CCDC60: variants seen among roughly 807,000 people sequenced by gnomAD.
The protein encoded by CCDC60 is coiled-coil domain containing 60.
In CCDC60, 54 loss-of-function variants were observed where a neutral mutation model predicts 63.5. The ratio of observed to expected loss-of-function variants is 0.85; its 90% CI spans 0.68 to 1.07. The LOEUF (loss-of-function observed/expected upper bound fraction) is 1.07, where lower values mean the gene tolerates loss of function less well. CCDC60 is among the 50% of genes least tolerant of loss of function. The pLI is 0.00. For missense variants in CCDC60, 651 were observed against 684.3 expected (o/e 0.95, Z 0.54); for synonymous variants, 206 against 238.8 (o/e 0.86, Z 1.27).
intron 8 of CCDC60, 147 bp from the exon 9 acceptor site, chr12:119,519,974 T>C (rs1329491061): frequency 2.8e-6 from 2 of 720,910 alleles, no homozygotes; most frequent in Admixed American, 2.4e-5. Context: ...TCTGTATTCA[T>C]AGCAAACTCT....
At chr12:119,399,944 T>C (rs1956358586) in intron 1 of CCDC60, among the ~76,000 whole-genome samples, 1 of 152,202 alleles carries the variant, frequency 6.6e-6, no homozygotes. Context: ...AGATTAAGTA[T>C]CGTGCACTCC....
At chr12:119,507,589 TACATATATATATATATATATATA>T (rs1566050571) in intron 7 of CCDC60, among the ~76,000 whole-genome samples, 913 of 41,672 alleles carry the variant, frequency 0.022, 44 homozygotes, top group East Asian at 0.14. Context: ...CACATATATA[TACATATATATATATATATATATA>T]TATTTTTTTT....
intron 1 of CCDC60, among the ~76,000 whole-genome samples, chr12:119,402,900 C>A (rs539887585): frequency 1.3e-5 from 2 of 151,016 alleles, no homozygotes; most frequent in South Asian, 4.2e-4. Flanking sequence ...CTGCTAGTTG[C>A]AAATGATAGA....
At chr12:119,487,260 G>A (rs539969787) in intron 4 of CCDC60, among the ~76,000 whole-genome samples, 3 of 151,976 alleles carry the variant, frequency 2.0e-5, no homozygotes, top group Admixed American at 2.0e-4. Context: ...GTAAAGAGGA[G>A]GTGGGAGCGG....
At chr12:119,429,485 T>A (rs1200934456) in intron 2 of CCDC60, 2 of 152,238 alleles carry the variant, frequency 1.3e-5, no homozygotes, top group African/African-American at 4.8e-5. Context: ...AAGACTCTTT[T>A]AGCACAAAAC....
rs189402304 is a variant in CCDC60, at chr12:119,479,976, G to A, written c.449+775G>A. Among the ~76,000 whole-genome samples, 119 of 145,612 alleles carry A rather than the reference G, an allele frequency of 8.2e-4. 1 individual carries two copies. Among genetic ancestry groups the A allele is most frequent in the African/African-American group, 2.9e-3 (114 of 39,352 alleles). The stretch of plus-strand genomic sequence containing the variant: ...ATGTCCCCTGGGAGCAAAAGTGCAT[G>A]AGCCCCCACCGTACATCATACACAC... On this transcript the variant is annotated intron_variant, in intron 4 of 13. Coordinates refer to ENST00000327554, the MANE Select transcript of CCDC60 (RefSeq NM_178499.5).
intron 1 of CCDC60, among the ~76,000 whole-genome samples, chr12:119,355,421 G>A (rs551961180): frequency 3.3e-5 from 5 of 152,298 alleles, no homozygotes; most frequent in African/African-American, 1.2e-4. Flanking sequence ...CTGCTGATAC[G>A]TCTGTGTCAC....
chr12:119,489,843 G>T (rs1951542753), intron 5 of CCDC60, among the ~76,000 whole-genome samples: 1 of 151,534 alleles, frequency 6.6e-6, no homozygotes, highest in Non-Finnish European at 1.5e-5. Flanking sequence ...CTGTCACCAG[G>T]CCAGAGTACG....
At chr12:119,338,309 T>G (rs531641786) in intron 1 of CCDC60, among the ~76,000 whole-genome samples, 1 of 152,286 alleles carries the variant, frequency 6.6e-6, no homozygotes, top group South Asian at 2.1e-4. Context: ...GAATAATAAC[T>G]GCAGTCATGA....
chr12:119,355,737 GCAGT>G (rs2136158688), intron 1 of CCDC60, among the ~76,000 whole-genome samples: 1 of 152,362 alleles, frequency 6.6e-6, no homozygotes, highest in African/African-American at 2.4e-5. Flanking sequence ...AGGCAGTTCT[GCAGT>G]CATATTTATA....
intron 13 of CCDC60, among the ~76,000 whole-genome samples, chr12:119,536,010 T>A (rs1404146675): frequency 6.6e-6 from 1 of 152,188 alleles, no homozygotes; most frequent in Non-Finnish European, 1.5e-5. Flanking sequence ...ATATTGACAG[T>A]GGGGTGTTAA....
chr12:119,530,810 A>C, intron 12 of CCDC60, 64 bp from the exon 13 acceptor site: 3 of 1,380,756 alleles, frequency 2.2e-6, no homozygotes, highest in African/African-American at 1.4e-5. Flanking sequence ...GTGGAGATGG[A>C]TGGCCAGAGG....
At chr12:119,476,364 G>T (rs1252347568) in intron 3 of CCDC60, among the ~76,000 whole-genome samples, 1 of 152,176 alleles carries the variant, frequency 6.6e-6, no homozygotes, top group African/African-American at 2.4e-5. Flanking sequence ...TAAACCACTG[G>T]AAGCATGGTT....
chr12:119,492,385 G>A (rs563646839), intron 5 of CCDC60, among the ~76,000 whole-genome samples: 8 of 152,230 alleles, frequency 5.3e-5, no homozygotes, highest in South Asian at 2.1e-4. Flanking sequence ...CCGTTCTTAT[G>A]AGCCACTATG....
At chr12:119,442,181 T>C (rs1209580142) in intron 2 of CCDC60, among the ~76,000 whole-genome samples, 2 of 152,378 alleles carry the variant, frequency 1.3e-5, no homozygotes, top group East Asian at 3.9e-4. Flanking sequence ...ACATTCCGTA[T>C]AGACTACTTG....
chr12:119,514,940 C>T (rs1211334157), intron 7 of CCDC60, among the ~76,000 whole-genome samples: 1 of 152,168 alleles, frequency 6.6e-6, no homozygotes, highest in Non-Finnish European at 1.5e-5. Flanking sequence ...AAATACTTAA[C>T]ATTGTGTTAT....
At chr12:119,344,527 T>G (rs1955566795) in intron 1 of CCDC60, among the ~76,000 whole-genome samples, 1 of 152,192 alleles carries the variant, frequency 6.6e-6, no homozygotes, top group Non-Finnish European at 1.5e-5. Flanking sequence ...AGCACCATTA[T>G]TTCTTGCCTG....
chr12:119,353,598 C>CTTTTTTTT (rs71072514), intron 1 of CCDC60, among the ~76,000 whole-genome samples: 26 of 68,246 alleles, frequency 3.8e-4, no homozygotes, highest in Admixed American at 6.8e-4. Flanking sequence ...TCTTCTTCTT[C>CTTTTTTTT]TTTTTTTTTT....
intron 1 of CCDC60, among the ~76,000 whole-genome samples, chr12:119,351,391 A>G (rs1246749960): frequency 1.3e-5 from 2 of 152,202 alleles, no homozygotes; most frequent in Non-Finnish European, 2.9e-5. Context: ...TTGCTATAAA[A>G]AAATACCTGA....
Sources: allele counts gnomAD v4.1 joint callset (sites outside exome capture counted in the v4.1 genomes callset), GRCh38; gene constraint gnomAD v4.1.1; transcripts MANE v1.5; gene names NCBI Gene and HGNC (gene_info 2026-07-23, HGNC 2026-07-21).